Variants in INTS15 observed in about 807,000 individuals in gnomAD.
INTS15 encodes integrator complex subunit 15, also known as uncharacterized protein C7orf26.
chr7:6,590,364 C>T, the INTS15 span: 15 of 1,607,194 alleles, frequency 9.3e-6, no homozygotes, highest in Non-Finnish European at 1.2e-5. Flanking sequence ...TGGACATCTA[C>T]TTCAGCAGCC....
At chr7:6,590,813 A>T in the INTS15 span, among the ~76,000 whole-genome samples, 1 of 150,918 alleles carries the variant, frequency 6.6e-6, no homozygotes. Flanking sequence ...CTTTCTTCTT[A>T]CATCTTTTTC....
At chr7:6,600,425 TCCTGG>T in the INTS15 span, 1 of 1,447,032 alleles carries the variant, frequency 6.9e-7, no homozygotes, top group African/African-American at 1.4e-5. Flanking sequence ...AAGGAGGGGC[TCCTGG>T]ACAGACACTG....
At chr7:6,605,005 T>A in the INTS15 span, among the ~76,000 whole-genome samples, 1 of 152,106 alleles carries the variant, frequency 6.6e-6, no homozygotes, top group Non-Finnish European at 1.5e-5. Flanking sequence ...TTTGTTTTGT[T>A]TTTTTGAGAC....
the INTS15 span, among the ~76,000 whole-genome samples, chr7:6,593,994 C>A: frequency 7.7e-6 from 1 of 130,382 alleles, no homozygotes; most frequent in Admixed American, 8.3e-5. Context: ...TCAGTGTAAG[C>A]CTTTAACTTT....
chr7:6,597,871 T>C, the INTS15 span, among the ~76,000 whole-genome samples: 2 of 152,228 alleles, frequency 1.3e-5, no homozygotes, highest in Admixed American at 6.5e-5. Flanking sequence ...GAGAGCATTC[T>C]TGGGGAGCCC....
the INTS15 span, chr7:6,608,445 C>G: frequency 7.6e-7 from 1 of 1,308,312 alleles, no homozygotes; most frequent in Non-Finnish European, 9.8e-7. Flanking sequence ...GCATTTCAGA[C>G]ACAGCCTGTG....
chr7:6,603,597 G>T, the INTS15 span, among the ~76,000 whole-genome samples: 1 of 151,922 alleles, frequency 6.6e-6, no homozygotes, highest in East Asian at 1.9e-4. Context: ...CCAGCACTTC[G>T]GGAGGCCAAG....
chr7:6,604,544 T>C, the INTS15 span, among the ~76,000 whole-genome samples: 1 of 152,140 alleles, frequency 6.6e-6, no homozygotes, highest in Non-Finnish European at 1.5e-5. Flanking sequence ...AGAAGCAGGC[T>C]TCCAGGGCAG....
the INTS15 span, chr7:6,599,929 G>T: frequency 1.2e-6 from 2 of 1,614,140 alleles, no homozygotes; most frequent in Non-Finnish European, 1.7e-6. Context: ...CTCCGATTGC[G>T]GCCAATCTGC....
At chr7:6,591,237 C>T in the INTS15 span, among the ~76,000 whole-genome samples, 1 of 151,036 alleles carries the variant, frequency 6.6e-6, no homozygotes, top group Non-Finnish European at 1.5e-5. Flanking sequence ...GCGAAAAGTT[C>T]TACGGGAAAA....
chr7:6,592,484 G>C, the INTS15 span, among the ~76,000 whole-genome samples: 1 of 150,530 alleles, frequency 6.6e-6, no homozygotes, highest in African/African-American at 2.4e-5. Context: ...GGAGAATCGT[G>C]TGAATATGGG....
the INTS15 span, among the ~76,000 whole-genome samples, chr7:6,605,758 G>T: frequency 6.6e-6 from 1 of 152,172 alleles, no homozygotes; most frequent in South Asian, 2.1e-4. Context: ...GAGTGCCGTG[G>T]TGTGATCTCG....
chr7:6,591,807 C>T, the INTS15 span: 5 of 1,614,104 alleles, frequency 3.1e-6, no homozygotes, highest in African/African-American at 1.3e-5. Flanking sequence ...GAAAACTGGT[C>T]TCCATGGCGG....
chr7:6,608,115 A>G, the INTS15 span: 1 of 824,230 alleles, frequency 1.2e-6, no homozygotes, highest in Non-Finnish European at 1.7e-6. Flanking sequence ...CATCCCGGCC[A>G]CACCTTCATC....
chr7:6,597,486 G>T, the INTS15 span, among the ~76,000 whole-genome samples: 2 of 152,186 alleles, frequency 1.3e-5, no homozygotes, highest in Non-Finnish European at 2.9e-5. Context: ...GTGGAGTCAG[G>T]GTTTCACCCT....
chr7:6,600,003 T>G, the INTS15 span: 1 of 1,614,080 alleles, frequency 6.2e-7, no homozygotes, highest in Non-Finnish European at 8.5e-7. Context: ...AAGGCACCCC[T>G]GGCTTATAAA....
At chr7:6,591,620 A>G in the INTS15 span, 1 of 1,601,200 alleles carries the variant, frequency 6.2e-7, no homozygotes, top group East Asian at 2.2e-5. Context: ...ACATTTCTTA[A>G]CGCTTTTCCG....
the INTS15 span, among the ~76,000 whole-genome samples, chr7:6,598,393 C>T: frequency 1.4e-5 from 2 of 146,402 alleles, no homozygotes; most frequent in South Asian, 2.1e-4. Context: ...CGCTTGAACC[C>T]GGGATGCAGA....
chr7:6,591,573 T>C, the INTS15 span: 1 of 1,395,924 alleles, frequency 7.2e-7, no homozygotes. Context: ...CTATTTCCTG[T>C]TTTCTTAATG....
Sources: gnomAD v4.1 joint callset for allele counts (sites outside exome capture counted in the v4.1 genomes callset) on GRCh38, gnomAD v4.1.1 for gene constraint, MANE v1.5 for transcripts, NCBI Gene and HGNC (gene_info 2026-07-23, HGNC 2026-07-21) for gene names.